Variants in EYS observed in about 807,000 individuals in gnomAD.
EYS encodes the protein protein eyes shut homolog.
Under a neutral mutation model 282.1 loss-of-function variants are expected in EYS, and 250 were observed. The ratio of observed to expected loss-of-function variants is 0.89; its 90% CI spans 0.80 to 0.98. The LOEUF (loss-of-function observed/expected upper bound fraction) is 0.98. Ranked by LOEUF, EYS falls within the 50% of genes least tolerant of loss-of-function variation. The pLI, the probability that EYS is intolerant of heterozygous loss-of-function variation, is 0.00. For missense variants in EYS, 4,016 were observed against 3,709.0 expected (o/e 1.08, Z -2.15); for synonymous variants, 1,355 against 1,282.9 (o/e 1.06, Z -1.20).
At chr6:64,166,520 G>C in intron 31 of EYS, among the ~76,000 whole-genome samples, 1 of 152,138 alleles carries the variant, frequency 6.6e-6, no homozygotes. Flanking sequence ...AGAGAAGTAG[G>C]AGAAATACAA....
At chr6:63,900,600 G>A (rs1773634780) in intron 35 of EYS, among the ~76,000 whole-genome samples, 1 of 152,150 alleles carries the variant, frequency 6.6e-6, no homozygotes, top group Non-Finnish European at 1.5e-5. Flanking sequence ...GGAGATATCA[G>A]AGAACTTGGT....
At chr6:64,441,238 T>A (rs1295866821) in intron 26 of EYS, among the ~76,000 whole-genome samples, 4 of 152,160 alleles carry the variant, frequency 2.6e-5, no homozygotes, top group African/African-American at 7.2e-5. Flanking sequence ...AGAGGACCAA[T>A]AATTAACAAT....
chr6:64,954,514 A>G (rs1192198372), intron 14 of EYS, among the ~76,000 whole-genome samples: 2 of 152,214 alleles, frequency 1.3e-5, no homozygotes, highest in East Asian at 3.9e-4. Flanking sequence ...AGATGATCAC[A>G]TAAAGATGAC....
At chr6:63,759,714 G>T (rs928625214) in intron 41 of EYS, among the ~76,000 whole-genome samples, 1 of 152,062 alleles carries the variant, frequency 6.6e-6, no homozygotes, top group Non-Finnish European at 1.5e-5. Flanking sequence ...CATGTGCATT[G>T]CTTGCTGTGT....
At chr6:64,169,419 A>AT (rs1764407013) in intron 31 of EYS, among the ~76,000 whole-genome samples, 1 of 127,064 alleles carries the variant, frequency 7.9e-6, no homozygotes, top group Non-Finnish European at 1.6e-5. Context: ...TACTCAAACA[A>AT]TTTGAGGAGG....
At chr6:64,686,852 TATGTGTATATATATAC>T (rs1770150680) in intron 22 of EYS, among the ~76,000 whole-genome samples, 5 of 21,314 alleles carry the variant, frequency 2.3e-4, no homozygotes, top group Non-Finnish European at 6.9e-4. Flanking sequence ...TATATATATA[TATGTGTATATATATAC>T]GTGTATATAT....
intron 33 of EYS, among the ~76,000 whole-genome samples, chr6:64,039,845 T>C (rs188811314): frequency 2.0e-4 from 31 of 152,310 alleles, no homozygotes; most frequent in Middle Eastern, 6.8e-3. Context: ...TTTGTACATA[T>C]TTGATTATTT....
chr6:63,908,034 GTTT>G, intron 35 of EYS, among the ~76,000 whole-genome samples: 1 of 43,260 alleles, frequency 2.3e-5, no homozygotes, highest in Non-Finnish European at 3.9e-5. Context: ...ATATATATAC[GTTT>G]GTGTGTGTGT....
chr6:65,251,084 T>TA (rs1176089033), intron 12 of EYS, among the ~76,000 whole-genome samples: 4 of 145,880 alleles, frequency 2.7e-5, no homozygotes, highest in Admixed American at 2.7e-4. Flanking sequence ...AACACATATC[T>TA]AAACAAGCAA....
At chr6:65,523,654 C>T (rs540563651) in intron 2 of EYS, among the ~76,000 whole-genome samples, 8 of 152,032 alleles carry the variant, frequency 5.3e-5, no homozygotes, top group South Asian at 2.1e-4. Flanking sequence ...GTGTTGTATA[C>T]GCTAAATATG....
intron 35 of EYS, among the ~76,000 whole-genome samples, chr6:63,905,249 T>C (rs1773746758): frequency 3.7e-5 from 2 of 54,468 alleles, no homozygotes; most frequent in Non-Finnish European, 7.0e-5. Flanking sequence ...CTTTGTTCCC[T>C]TTTATGTGGA....
intron 2 of EYS, among the ~76,000 whole-genome samples, chr6:65,619,386 T>A (rs1766373397): frequency 6.6e-6 from 1 of 152,192 alleles, no homozygotes; most frequent in African/African-American, 2.4e-5. Flanking sequence ...ATGCTTGTGA[T>A]TTTTGTACAT....
intron 22 of EYS, among the ~76,000 whole-genome samples, chr6:64,649,502 G>GC (rs1175930456): frequency 6.6e-6 from 1 of 151,982 alleles, no homozygotes; most frequent in East Asian, 1.9e-4. Flanking sequence ...ACTACACCTG[G>GC]CTAGTAGTAG....
chr6:65,612,999 A>G (rs1215742938), intron 2 of EYS, among the ~76,000 whole-genome samples: 1 of 151,846 alleles, frequency 6.6e-6, no homozygotes, highest in African/African-American at 2.4e-5. Context: ...AAAGAAAATA[A>G]CAATCTTAAA....
At chr6:64,391,436 A>G (rs1773136279) in intron 28 of EYS, among the ~76,000 whole-genome samples, 2 of 152,154 alleles carry the variant, frequency 1.3e-5, no homozygotes, top group African/African-American at 4.8e-5. Context: ...CTCGGCAGAA[A>G]CCCTACAAGC....
intron 2 of EYS, among the ~76,000 whole-genome samples, chr6:65,526,525 A>G (rs1344458546): frequency 6.6e-6 from 1 of 152,144 alleles, no homozygotes; most frequent in African/African-American, 2.4e-5. Context: ...TAGTTTATTC[A>G]AAAGGCTGCT....
intron 23 of EYS, among the ~76,000 whole-genome samples, chr6:64,622,171 A>G (rs1767466137): frequency 6.6e-6 from 1 of 152,088 alleles, no homozygotes; most frequent in African/African-American, 2.4e-5. Context: ...GAGGTCTGAA[A>G]TCTAACCTGA....
chr6:65,295,395 C>T (rs1426554445), intron 12 of EYS, among the ~76,000 whole-genome samples: 1 of 151,934 alleles, frequency 6.6e-6, no homozygotes, highest in Non-Finnish European at 1.5e-5. Context: ...ATGTTTGTGA[C>T]TTCACTTTTT....
At chr6:64,221,619 A>G (rs77953276) in intron 31 of EYS, among the ~76,000 whole-genome samples, 6,048 of 152,206 alleles carry the variant, frequency 0.04, 298 homozygotes, top group African/African-American at 0.11. Context: ...TGCTTTCCTC[A>G]GTTTCAGTTA....
Sources: allele counts gnomAD v4.1 joint callset (sites outside exome capture counted in the v4.1 genomes callset), GRCh38; gene constraint gnomAD v4.1.1; transcripts MANE v1.5; gene names NCBI Gene and HGNC (gene_info 2026-07-23, HGNC 2026-07-21).